The following LOC400499 variants were observed in gnomAD, a reference collection of about 807,000 sequenced individuals.
chr16:11,412,866 C>T, the LOC400499 span: 29 of 398,994 alleles, frequency 7.3e-5, no homozygotes, highest in Non-Finnish European at 1.0e-4. Flanking sequence ...TGGCCACGGA[C>T]GTCAAGGACC....
chr16:11,501,713 A>AC, the LOC400499 span, among the ~76,000 whole-genome samples: 1 of 149,660 alleles, frequency 6.7e-6, no homozygotes, highest in East Asian at 2.0e-4. Flanking sequence ...CCTGCCCAGC[A>AC]CCCCCCAGCC....
chr16:11,459,087 T>C, the LOC400499 span, among the ~76,000 whole-genome samples: 3 of 151,106 alleles, frequency 2.0e-5, no homozygotes, highest in Non-Finnish European at 4.4e-5. Flanking sequence ...AAACAGTAAA[T>C]TTTACATGAT....
At chr16:11,465,065 C>T in the LOC400499 span, among the ~76,000 whole-genome samples, 1 of 152,204 alleles carries the variant, frequency 6.6e-6, no homozygotes, top group African/African-American at 2.4e-5. Context: ...CTCCAGGCCT[C>T]TCTGAGAAGA....
the LOC400499 span, among the ~76,000 whole-genome samples, chr16:11,407,976 T>G: frequency 1.5e-5 from 2 of 136,630 alleles, no homozygotes; most frequent in African/African-American, 2.8e-5. Context: ...AGCTGTTTTT[T>G]TTTTTTTTTT....
chr16:11,447,984 C>T, the LOC400499 span: 2 of 1,536,094 alleles, frequency 1.3e-6, no homozygotes, highest in East Asian at 2.4e-5. Flanking sequence ...CTTGCCTCAG[C>T]TCCTCCAGCT....
At chr16:11,484,926 C>T in the LOC400499 span, 3 of 399,402 alleles carry the variant, frequency 7.5e-6, no homozygotes, top group Non-Finnish European at 1.3e-5. Flanking sequence ...CCTGGACACT[C>T]GGGGCTGGCT....
At chr16:11,446,261 T>A in the LOC400499 span, among the ~76,000 whole-genome samples, 1 of 152,158 alleles carries the variant, frequency 6.6e-6, no homozygotes, top group African/African-American at 2.4e-5. Context: ...CAGATCCTCC[T>A]GTCTCAGCCT....
chr16:11,458,659 T>C, the LOC400499 span, among the ~76,000 whole-genome samples: 4 of 152,116 alleles, frequency 2.6e-5, no homozygotes, highest in African/African-American at 9.7e-5. Flanking sequence ...ACTTGCAGTT[T>C]TGCAAGTTCT....
chr16:11,446,602 T>C, the LOC400499 span: 5 of 1,536,078 alleles, frequency 3.3e-6, no homozygotes, highest in East Asian at 2.4e-5. Flanking sequence ...GGGGATGACT[T>C]TGCCATCGTA....
chr16:11,512,166 C>A, the LOC400499 span, among the ~76,000 whole-genome samples: 3 of 152,142 alleles, frequency 2.0e-5, no homozygotes, highest in Non-Finnish European at 4.4e-5. Context: ...CCTGTAATCT[C>A]AGCTACTCAG....
At chr16:11,456,801 G>A in the LOC400499 span, 14 of 1,518,812 alleles carry the variant, frequency 9.2e-6, no homozygotes, top group South Asian at 6.0e-5. Flanking sequence ...CTTGAGCAAA[G>A]GCCTGGAGAT....
At chr16:11,427,748 G>A in the LOC400499 span, among the ~76,000 whole-genome samples, 2 of 152,154 alleles carry the variant, frequency 1.3e-5, no homozygotes, top group Non-Finnish European at 2.9e-5. Context: ...TCTCAGCTGA[G>A]ATGTGCACAT....
At chr16:11,391,055 C>A in the LOC400499 span, among the ~76,000 whole-genome samples, 121,811 of 152,188 alleles carry the variant, frequency 0.8, 49,742 homozygotes, top group Middle Eastern at 0.91. Flanking sequence ...TAGCGCTGGG[C>A]GGAGTCCTGG....
the LOC400499 span, among the ~76,000 whole-genome samples, chr16:11,429,270 C>G: frequency 1.3e-4 from 20 of 152,158 alleles, no homozygotes; most frequent in South Asian, 8.3e-4. Flanking sequence ...GCAGCTCCCC[C>G]CTCTTTCTCT....
chr16:11,439,695 A>C, the LOC400499 span: 1 of 396,670 alleles, frequency 2.5e-6, no homozygotes, highest in Non-Finnish European at 4.4e-6. Flanking sequence ...CTCAAACCAG[A>C]AACTTCTGTC....
At chr16:11,389,390 T>C in the LOC400499 span, among the ~76,000 whole-genome samples, 7 of 152,136 alleles carry the variant, frequency 4.6e-5, no homozygotes, top group South Asian at 1.5e-3. Context: ...AAAAAGATTA[T>C]TACAAAACAG....
At chr16:11,426,307 A>G in the LOC400499 span, among the ~76,000 whole-genome samples, 6 of 152,120 alleles carry the variant, frequency 3.9e-5, no homozygotes, top group Non-Finnish European at 4.4e-5. Flanking sequence ...GTGGTGGCGC[A>G]TGCCTGTCAT....
At chr16:11,394,044 A>T in the LOC400499 span, among the ~76,000 whole-genome samples, 1 of 152,176 alleles carries the variant, frequency 6.6e-6, no homozygotes, top group East Asian at 1.9e-4. Flanking sequence ...CCCAGGCCCC[A>T]CCCAGACACT....
chr16:11,476,710 C>T, the LOC400499 span: 3 of 399,420 alleles, frequency 7.5e-6, no homozygotes, highest in Non-Finnish European at 1.3e-5. Context: ...CACACACCTG[C>T]TCACCTGCAC....
Sources: allele counts gnomAD v4.1 joint callset (sites outside exome capture counted in the v4.1 genomes callset), GRCh38; gene constraint gnomAD v4.1.1; transcripts MANE v1.5.